The following PTPRJ variants were observed in gnomAD, a reference collection of about 807,000 sequenced individuals.
The protein encoded by PTPRJ is receptor-type tyrosine-protein phosphatase eta.
PTPRJ carries 129 observed loss-of-function variants against 141.3 expected under a neutral mutation model. The observed-to-expected ratio is 0.91, with a 90% CI of 0.79 to 1.06. PTPRJ has a LOEUF of 1.06. PTPRJ is among the 50% of genes least tolerant of loss of function. The probability of loss-of-function intolerance (pLI) is 0.00; values close to 1 mark genes in which losing one functional copy is unlikely to be tolerated. For synonymous variants in PTPRJ, 610 were observed against 640.5 expected, an observed-to-expected ratio of 0.95 and a Z score of 0.72; for missense variants, 1,601 against 1,679.7, an observed-to-expected ratio of 0.95 and a Z score of 0.82.
chr11:48,138,168 A>G (rs1391451122), intron 10 of PTPRJ, among the ~76,000 whole-genome samples: 1 of 152,184 alleles, frequency 6.6e-6, no homozygotes, highest in Non-Finnish European at 1.5e-5. Context: ...CTGGTAGTAT[A>G]GGAGCTCCAG....
rs974993922 is a variant in PTPRJ, at chr11:48,169,036, C to T, written c.*1674C>T. ...GAATGTGAGCGGGCTCTTCCAGCCT[C>T]CTGGTCCCTCCTGACTCTGCCACGC... is the stretch of plus-strand genomic sequence containing the variant. On this transcript the variant is annotated 3_prime_UTR_variant, in exon 25 of 25. Coordinates refer to ENST00000418331, the MANE Select transcript of PTPRJ (RefSeq NM_002843.4). 1 of 152,232 alleles carries T rather than the reference C, an allele frequency of 6.6e-6. No homozygotes were observed. The highest frequency in any genetic ancestry group is 1.5e-5 in the Non-Finnish European group (1 of 68,118). The allele number at this position is 152,232 out of a possible 1,614,324, so 9.4% of individuals were successfully genotyped here. A position where few individuals can be genotyped will look rare whatever the true frequency, so the allele number is the denominator to read the frequency against.
intron 21 of PTPRJ, 103 bp downstream of exon 21, chr11:48,156,222 A>G (rs1410322479): frequency 6.1e-6 from 6 of 985,206 alleles, no homozygotes; most frequent in East Asian, 2.7e-5. Context: ...AAAAAACTCA[A>G]ACATTAGCAC....
At chr11:48,078,256 C>T (rs1428098456) in intron 1 of PTPRJ, among the ~76,000 whole-genome samples, 1 of 152,046 alleles carries the variant, frequency 6.6e-6, no homozygotes, top group African/African-American at 2.4e-5. Context: ...CAGGTTTTCA[C>T]CATGTTGGCC....
intron 1 of PTPRJ, among the ~76,000 whole-genome samples, chr11:48,095,296 C>T (rs1855974817): frequency 1.3e-5 from 2 of 152,186 alleles, no homozygotes; most frequent in Non-Finnish European, 2.9e-5. Context: ...ATGGACTGGA[C>T]TTATGAGACT....
chr11:48,155,287 C>T (rs541009603), intron 19 of PTPRJ, among the ~76,000 whole-genome samples: 7 of 152,236 alleles, frequency 4.6e-5, no homozygotes, highest in East Asian at 3.9e-4. Context: ...GGACCTACCC[C>T]GTCCTAGTGG....
chr11:47,991,478 G>C (rs1320764466), intron 1 of PTPRJ, among the ~76,000 whole-genome samples: 2 of 152,178 alleles, frequency 1.3e-5, no homozygotes, highest in Non-Finnish European at 2.9e-5. Flanking sequence ...GAGACGGGAG[G>C]CTGAGAGTCT....
intron 8 of PTPRJ, among the ~76,000 whole-genome samples, chr11:48,133,009 T>G (rs1590542749): frequency 1.3e-5 from 2 of 152,326 alleles, no homozygotes; most frequent in South Asian, 4.1e-4. Flanking sequence ...ATGCATGATG[T>G]TGTGCTACTT....
intron 22 of PTPRJ, 100 bp from the exon 23 acceptor site, chr11:48,163,358 A>T (rs1002104682): frequency 1.8e-6 from 2 of 1,137,868 alleles, no homozygotes; most frequent in Non-Finnish European, 2.6e-6. Flanking sequence ...AGTCATTACA[A>T]CTCCTGGTTA....
At chr11:47,995,777 C>A (rs538116521) in intron 1 of PTPRJ, among the ~76,000 whole-genome samples, 1 of 152,314 alleles carries the variant, frequency 6.6e-6, no homozygotes, top group East Asian at 1.9e-4. Context: ...TGGTGGCTCA[C>A]GCCAGTAGTC....
At chr11:48,100,530 G>A (rs577725161) in intron 1 of PTPRJ, among the ~76,000 whole-genome samples, 1 of 152,164 alleles carries the variant, frequency 6.6e-6, no homozygotes, top group African/African-American at 2.4e-5. Flanking sequence ...AGCAGTTTTA[G>A]GTTCACAGCA....
At chr11:48,007,812 T>C (rs1854664583) in intron 1 of PTPRJ, among the ~76,000 whole-genome samples, 1 of 152,248 alleles carries the variant, frequency 6.6e-6, no homozygotes, top group African/African-American at 2.4e-5. Context: ...CTTATAAAAC[T>C]GGGCAGGCCC....
intron 1 of PTPRJ, among the ~76,000 whole-genome samples, chr11:48,007,600 G>T (rs546645751): frequency 1.3e-5 from 2 of 152,250 alleles, no homozygotes; most frequent in South Asian, 4.1e-4. Flanking sequence ...ATGGGGTTTT[G>T]CCATGCTGGC....
Position 48,149,992 on chromosome 11 carries a change from C to T in PTPRJ, c.3044C>T (p.Pro1015Leu), listed in dbSNP as rs774131240. Residue 1015 changes from proline (P) to leucine (L), a missense_variant and splice_region_variant, in exon 17 of 25, where the codon CCT becomes CTT. Physicochemically the swap from Pro to Leu is moderately conservative, Grantham distance 98. Transcript: ENST00000418331. Reference protein sequence around the residue: ...NNEVSFSQIKPKKSKLIRVEN... With the variant: ...NNEVSFSQIKLKKSKLIRVEN... The stretch of plus-strand genomic sequence containing the variant: ...TTCTTTCCCTTTCTATCATGAAGAC[C>T]TAAAAAGTGAGTAATCTCTTTATTT... 6 of 1,475,560 alleles carry T rather than the reference C, an allele frequency of 4.1e-6. No individual in the cohort carries two copies. 91.4% of individuals were successfully genotyped at this position (1,475,560 alleles called of 1,614,324 possible).
rs1857584329 is a variant in PTPRJ, at chr11:48,155,785, TC to T, written c.3230-15del. 6.4e-7 allele frequency: 1 copy of T among 1,561,862 alleles called. No individual in the cohort carries two copies. Among genetic ancestry groups the T allele is most frequent in the African/African-American group, 1.4e-5 (1 of 72,892 alleles). On this transcript the variant is annotated splice_polypyrimidine_tract_variant and intron_variant, in intron 19 of 24. Transcript: ENST00000418331. ...ATTTGCTTATAATGGGGACCTTTTT[TC>T]TTTTAATGTCACAGATGATATTTCC...
Position 47,980,885 on chromosome 11 carries a change from CCGGGGCACGTTCCAGGGCGCG to C in PTPRJ, c.-20_1del. 8.9e-7 allele frequency: 1 copy of C among 1,124,748 alleles called. No individual in the cohort carries two copies. Among genetic ancestry groups the C allele is most frequent in the Middle Eastern group, 3.8e-4 (1 of 2,650 alleles). 69.7% of individuals were successfully genotyped at this position (1,124,748 alleles called of 1,614,324 possible). ...GCACGGCGGGGCCCGATTCGCGCGT[CCGGGGCACGTTCCAGGGCGCG>C]CGGGGCATGAAGCCGGCGGCGCGGG... On this transcript the variant is annotated 5_prime_UTR_variant, in exon 1 of 25. Transcript: ENST00000418331.
At chr11:47,987,599 C>T (rs1343528847) in intron 1 of PTPRJ, among the ~76,000 whole-genome samples, 1 of 152,230 alleles carries the variant, frequency 6.6e-6, no homozygotes, top group Non-Finnish European at 1.5e-5. Context: ...AGAGAAAGGG[C>T]TGCCACTTGC....
rs1416081097 is a variant in PTPRJ, at chr11:48,127,822, C to T, written c.1136C>T (p.Ala379Val). The change falls in exon 7 of 25, where the codon GCC becomes GTC. Residue 379 changes from alanine to valine, a missense_variant. Physicochemically the swap from Ala to Val is moderately conservative, Grantham distance 64 (BLOSUM62 0). Coordinates refer to ENST00000418331, the MANE Select transcript of PTPRJ (RefSeq NM_002843.4). ...VFDVTAVNIS[A>V]TSLTLIWKVS... ...GACGTCACCGCTGTGAACATCAGTG[C>T]CACAAGCCTGACCCTGATCTGGAAA... is the stretch of plus-strand genomic sequence containing the variant. The T allele has an allele frequency of 7.4e-6, 12 of 1,614,046 alleles. No homozygotes were observed. The highest frequency in any genetic ancestry group is 6.7e-5 in the East Asian group (3 of 44,894).
At position 48,136,184 on chromosome 11, in the gene PTPRJ, T is replaced by C; in HGVS notation, c.1761T>C (p.Tyr587=). ...ATGGCTCTAACCACACAAGCACGTA[T>C]GACAAAGCGATTACTCTCCAGGGCC... The part of the protein sequence containing the change: ...SKHGSNHTST[Y]DKAITLQGLI... The change falls in exon 9 of 25, where the codon TAT becomes TAC. Residue 587 remains tyrosine, a synonymous_variant. Coordinates refer to ENST00000418331, the MANE Select transcript of PTPRJ (RefSeq NM_002843.4). 6.2e-7 allele frequency: 1 copy of C among 1,614,224 alleles called. No individual in the cohort carries two copies. The highest frequency in any genetic ancestry group is 1.3e-5 in the African/African-American group (1 of 75,062).
At chr11:48,146,765 A>T in intron 14 of PTPRJ, 111 bp from the exon 15 acceptor site, 1 of 782,140 alleles carries the variant, frequency 1.3e-6, no homozygotes, top group Non-Finnish European at 2.3e-6. Flanking sequence ...ATGTGTGTGT[A>T]TGGTATACAC....
Sources: allele counts gnomAD v4.1 joint callset (sites outside exome capture counted in the v4.1 genomes callset), GRCh38; gene constraint gnomAD v4.1.1; transcripts MANE v1.5; gene names NCBI Gene and HGNC (gene_info 2026-07-23, HGNC 2026-07-21).